Variants in RNASET2 observed in about 807,000 individuals in gnomAD.
The protein encoded by RNASET2 is ribonuclease 6.
A neutral mutation model predicts 33.9 loss-of-function variants in RNASET2; 28 were observed. That is an observed-to-expected ratio of 0.83 (90% CI 0.61 to 1.13). RNASET2 has a LOEUF of 1.13. Among genes scored for constraint, RNASET2 ranks in the 50% most tolerant of loss-of-function variants. The probability of loss-of-function intolerance (pLI) is 0.00; values close to 1 mark genes in which losing one functional copy is unlikely to be tolerated. For missense variants in RNASET2, 330 were observed against 319.9 expected, an observed-to-expected ratio of 1.03 and a Z score of -0.24; for synonymous variants, 123 against 121.0, an observed-to-expected ratio of 1.02 and a Z score of -0.11.
intron 4 of RNASET2, 85 bp from the exon 5 acceptor site, chr6:166,943,174 C>A: frequency 2.2e-6 from 2 of 919,854 alleles, no homozygotes; most frequent in Non-Finnish European, 3.5e-6. Flanking sequence ...AAACTGACAC[C>A]AAAGAATTGA....
chr6:166,945,864 A>C (rs1778828368), intron 4 of RNASET2, among the ~76,000 whole-genome samples: 1 of 151,980 alleles, frequency 6.6e-6, no homozygotes, highest in African/African-American at 2.4e-5. Context: ...AAAAGAAAAA[A>C]AGAACTTGTG....
chr6:166,931,459 A>T (rs1778438225), intron 7 of RNASET2: 4 of 398,416 alleles, frequency 1.0e-5, no homozygotes, highest in Admixed American at 4.0e-5. Context: ...CTCATCCACC[A>T]ACAACTACTC....
chr6:166,930,918 C>A, intron 8 of RNASET2, 126 bp downstream of exon 8: 1 of 775,200 alleles, frequency 1.3e-6, no homozygotes, highest in Non-Finnish European at 2.3e-6. Context: ...CACATGCCCA[C>A]ATATACAGAC....
At chr6:166,936,444 T>C (rs1003198692) in intron 6 of RNASET2, among the ~76,000 whole-genome samples, 1 of 152,158 alleles carries the variant, frequency 6.6e-6, no homozygotes, top group African/African-American at 2.4e-5. Context: ...AAGAGGTTTT[T>C]TTGGCTCAGG....
At chr6:166,948,501 C>G in intron 3 of RNASET2, 69 bp downstream of exon 3, 1 of 902,928 alleles carries the variant, frequency 1.1e-6, no homozygotes, top group Non-Finnish European at 1.9e-6. Flanking sequence ...ATATTAAGAC[C>G]ACATTCAAGC....
intron 6 of RNASET2, chr6:166,934,600 T>A (rs1295064458): frequency 1.4e-5 from 3 of 207,814 alleles, no homozygotes; most frequent in Non-Finnish European, 2.9e-5. Flanking sequence ...TATGACCACA[T>A]TTCTACTGTG....
intron 6 of RNASET2, chr6:166,934,344 C>T: frequency 1.7e-6 from 1 of 576,632 alleles, no homozygotes; most frequent in South Asian, 2.0e-5. Context: ...CACACACAAA[C>T]TGCTCCAGGC....
At chr6:166,943,683 A>G (rs1241809912) in intron 4 of RNASET2, 1 of 457,602 alleles carries the variant, frequency 2.2e-6, no homozygotes, top group Non-Finnish European at 4.5e-6. Context: ...GCTAAACTTT[A>G]TTTAATAATA....
intron 1 of RNASET2, chr6:166,955,761 C>T (rs936602585): frequency 6.9e-5 from 85 of 1,235,790 alleles, no homozygotes; most frequent in Non-Finnish European, 2.0e-5. Flanking sequence ...GGAGTCACCC[C>T]AGAGCGTGCC....
intron 1 of RNASET2, among the ~76,000 whole-genome samples, chr6:166,955,273 GCACA>G (rs1326300560): frequency 1.2e-5 from 1 of 84,724 alleles, no homozygotes. Context: ...ACACACACGC[GCACA>G]CACGACACAC....
intron 1 of RNASET2, among the ~76,000 whole-genome samples, chr6:166,954,087 A>C (rs1779049820): frequency 6.6e-6 from 1 of 152,194 alleles, no homozygotes; most frequent in African/African-American, 2.4e-5. Context: ...AAAACCAGGC[A>C]GAGTGATGTG....
chr6:166,947,228 G>A (rs779115307), intron 3 of RNASET2, among the ~76,000 whole-genome samples: 6 of 152,234 alleles, frequency 3.9e-5, no homozygotes, highest in Admixed American at 1.3e-4. Context: ...AGTGCCTGGC[G>A]TATGGCAGAA....
chr6:166,930,522 TCACACATGCA>T (rs984797303), intron 8 of RNASET2, among the ~76,000 whole-genome samples: 18 of 136,432 alleles, frequency 1.3e-4, no homozygotes, highest in Non-Finnish European at 2.2e-4. Context: ...ATGCACACAT[TCACACATGCA>T]CACACATGCC....
chr6:166,948,295 A>G lies in RNASET2; in HGVS notation c.203+275T>C, dbSNP rs113573595. ...TGGGAGGTGGAGGTTGCAGTGAGCCAAGATCGTGCCACTGCACTTCAGCCT... is the reference window on the plus strand; with the variant it reads ...TGGGAGGTGGAGGTTGCAGTGAGCCGAGATCGTGCCACTGCACTTCAGCCT... On this transcript the variant is annotated intron_variant, in intron 3 of 8. Coordinates refer to ENST00000508775, the MANE Select transcript of RNASET2 (RefSeq NM_003730.6). The G allele has an allele frequency of 2.7e-5, 13 of 478,126 alleles. 1 individual carries two copies. The highest frequency in any genetic ancestry group is 2.2e-4 in the African/African-American group (11 of 50,480). The allele number at this position is 478,126 out of a possible 1,614,324, so 29.6% of individuals were successfully genotyped here.
chr6:166,926,697 T>A lies in RNASET2; in HGVS notation c.*2891A>T, dbSNP rs1045604600. On this transcript the variant is annotated 3_prime_UTR_variant, in exon 9 of 9. Transcript: ENST00000508775. ...TTGTCCCCTCCCAGGCCAAGAGAAA[T>A]GCTCTTGGGTACAGCAATAGCCCTG... Among the ~76,000 whole-genome samples the A allele has an allele frequency of 6.6e-6, 1 of 152,122 alleles. No homozygotes were observed. Among genetic ancestry groups the A allele is most frequent in the Non-Finnish European group, 1.5e-5 (1 of 68,018 alleles).
rs1209625096 is a variant in RNASET2, at chr6:166,927,932, C to A, written c.*1656G>T. ...AACAAATCCTGCCCTGCCAAGCCAACAGAAAAACACTGGAGACAGAAATGA... is the reference window on the plus strand; with the variant it reads ...AACAAATCCTGCCCTGCCAAGCCAAAAGAAAAACACTGGAGACAGAAATGA... On this transcript the variant is annotated 3_prime_UTR_variant, in exon 9 of 9. Coordinates refer to ENST00000508775, the MANE Select transcript of RNASET2 (RefSeq NM_003730.6). Among the ~76,000 whole-genome samples the A allele has an allele frequency of 6.6e-6, 1 of 152,146 alleles. No homozygotes were observed. The highest frequency in any genetic ancestry group is 1.5e-5 in the Non-Finnish European group (1 of 68,020).
chr6:166,938,504 C>T (rs542649205), intron 6 of RNASET2: 40 of 524,926 alleles, frequency 7.6e-5, no homozygotes, highest in African/African-American at 4.2e-4. Flanking sequence ...AGGAGTTCTG[C>T]GGCAAAGACC....
intron 7 of RNASET2, chr6:166,931,478 G>A (rs1328886646): frequency 8.5e-6 from 3 of 353,234 alleles, no homozygotes; most frequent in South Asian, 5.5e-5. Flanking sequence ...TCTGCCTTTC[G>A]CGGCCCATAA....
rs1778272166 is a variant in RNASET2, at chr6:166,924,238, C to T, written c.*5350G>A. Among the ~76,000 whole-genome samples the T allele has an allele frequency of 6.6e-6, 1 of 152,074 alleles. No homozygotes were observed. Among genetic ancestry groups the T allele is most frequent in the Non-Finnish European group, 1.5e-5 (1 of 67,992 alleles). On this transcript the variant is annotated 3_prime_UTR_variant, in exon 9 of 9. Transcript: ENST00000508775. ...GCCTCAGCCTCCCGAGTAGCTGGGA[C>T]TACAGGTGCCCGCCACCATGCCCGG...
Sources: allele counts gnomAD v4.1 joint callset (sites outside exome capture counted in the v4.1 genomes callset), GRCh38; gene constraint gnomAD v4.1.1; transcripts MANE v1.5; gene names NCBI Gene and HGNC (gene_info 2026-07-23, HGNC 2026-07-21).